Variants in DAB1 observed in about 807,000 individuals in gnomAD.
The protein encoded by DAB1 is DAB adaptor protein 1, also known as disabled homolog 1.
A neutral mutation model predicts 64.6 loss-of-function variants in DAB1; 15 were observed. That is an observed-to-expected ratio of 0.23 (90% confidence interval 0.16 to 0.36). The LOEUF is 0.36. Among genes scored for constraint, DAB1 ranks in the 10% least tolerant of loss-of-function variants. The pLI, the probability that DAB1 is intolerant of heterozygous loss-of-function variation, is 1.00. For missense variants in DAB1, 596 were observed against 706.7 expected (o/e 0.84, Z 1.78); for synonymous variants, 235 against 251.9 (o/e 0.93, Z 0.64).
At chr1:58,322,983 C>T (rs11589550) in intron 4 of DAB1, among the ~76,000 whole-genome samples, 25,976 of 151,450 alleles carry the variant, frequency 0.17, 2,548 homozygotes, top group East Asian at 0.4. Flanking sequence ...AGCAAACTAT[C>T]GCAAGGACAG....
At chr1:57,562,421 G>A (rs1645063807) in intron 7 of DAB1, among the ~76,000 whole-genome samples, 1 of 152,182 alleles carries the variant, frequency 6.6e-6, no homozygotes, top group Non-Finnish European at 1.5e-5. Context: ...TCATGCTCAT[G>A]GAATTTACAA....
At chr1:57,595,821 C>T (rs1340999364) in intron 7 of DAB1, among the ~76,000 whole-genome samples, 1 of 152,072 alleles carries the variant, frequency 6.6e-6, no homozygotes, top group Non-Finnish European at 1.5e-5. Context: ...ACCTCTCTTC[C>T]TCCTCCTCCG....
chr1:58,528,992 A>G (rs1646392555), intron 1 of DAB1, among the ~76,000 whole-genome samples: 1 of 152,224 alleles, frequency 6.6e-6, no homozygotes, highest in Non-Finnish European at 1.5e-5. Flanking sequence ...TGCTGATTCC[A>G]TTATAAAAAA....
chr1:58,043,547 C>T (rs566832537), intron 5 of DAB1, among the ~76,000 whole-genome samples: 1 of 152,306 alleles, frequency 6.6e-6, no homozygotes, highest in Non-Finnish European at 1.5e-5. Flanking sequence ...CCCATGATGT[C>T]CTCACAGTCA....
intron 7 of DAB1, among the ~76,000 whole-genome samples, chr1:57,619,338 T>G (rs72908585): frequency 0.017 from 2,629 of 152,320 alleles, 88 homozygotes; most frequent in African/African-American, 0.06. Context: ...GACAACGCTG[T>G]GCTAGGAGCA....
chr1:57,533,759 T>A (rs1644693435), intron 7 of DAB1, among the ~76,000 whole-genome samples: 1 of 151,816 alleles, frequency 6.6e-6, no homozygotes, highest in South Asian at 2.1e-4. Flanking sequence ...TCCCTATAGA[T>A]CCTCTGGTGG....
chr1:58,434,535 C>T (rs542504278), intron 3 of DAB1, among the ~76,000 whole-genome samples: 1 of 152,230 alleles, frequency 6.6e-6, no homozygotes, highest in South Asian at 2.1e-4. Flanking sequence ...ATGGAGGATT[C>T]CTTTTTGACT....
At chr1:58,028,773 C>T (rs1646931398) in intron 5 of DAB1, among the ~76,000 whole-genome samples, 1 of 152,066 alleles carries the variant, frequency 6.6e-6, no homozygotes, top group African/African-American at 2.4e-5. Context: ...GTGGAATCTG[C>T]AAATAATAAG....
At chr1:58,247,157 G>A (rs1338362264) in intron 4 of DAB1, among the ~76,000 whole-genome samples, 1 of 152,070 alleles carries the variant, frequency 6.6e-6, no homozygotes, top group African/African-American at 2.4e-5. Flanking sequence ...GGGCCAGAAT[G>A]GGGGCAAGGA....
chr1:57,804,563 T>C (rs1249500898), intron 6 of DAB1, among the ~76,000 whole-genome samples: 2 of 152,240 alleles, frequency 1.3e-5, no homozygotes, highest in Non-Finnish European at 2.9e-5. Flanking sequence ...TTCACAGAAC[T>C]GCTTGCCAGT....
chr1:57,691,705 G>A (rs770893463), intron 6 of DAB1, among the ~76,000 whole-genome samples: 18 of 152,080 alleles, frequency 1.2e-4, no homozygotes, highest in Non-Finnish European at 2.1e-4. Flanking sequence ...CACTCACTGC[G>A]AAGGTCTGCA....
intron 1 of DAB1, chr1:57,874,193 C>T (rs1644004543): frequency 6.6e-6 from 1 of 152,194 alleles, no homozygotes; most frequent in Admixed American, 6.6e-5. Flanking sequence ...ACCTGGGGAA[C>T]ACCAAAAAGA....
chr1:58,017,466 ACC>A (rs764463375), intron 5 of DAB1, among the ~76,000 whole-genome samples: 6 of 152,056 alleles, frequency 3.9e-5, no homozygotes, highest in Non-Finnish European at 7.4e-5. Flanking sequence ...GGTAAATATG[ACC>A]CAAGCAGAGC....
intron 4 of DAB1, among the ~76,000 whole-genome samples, chr1:58,232,579 A>C (rs371148020): frequency 6.6e-6 from 1 of 152,168 alleles, no homozygotes; most frequent in African/African-American, 2.4e-5. Context: ...GCTCAAAGAA[A>C]GAAGGAGGGA....
chr1:57,127,230 A>G (rs1361696503), intron 4 of DAB1, among the ~76,000 whole-genome samples: 1 of 152,232 alleles, frequency 6.6e-6, no homozygotes, highest in Non-Finnish European at 1.5e-5. Flanking sequence ...GCAATCAGCC[A>G]TCTAAATAAA....
At chr1:57,724,286 CGAAGGAAG>C (rs761987366) in intron 6 of DAB1, among the ~76,000 whole-genome samples, 141 of 109,584 alleles carry the variant, frequency 1.3e-3, no homozygotes, top group East Asian at 4.1e-3. Context: ...AAGGAAGGAA[CGAAGGAAG>C]GAAGGAAGGG....
chr1:57,441,025 C>A (rs1252093327), intron 7 of DAB1, among the ~76,000 whole-genome samples: 1 of 152,076 alleles, frequency 6.6e-6, no homozygotes, highest in Admixed American at 6.6e-5. Context: ...TCCCTCCTAG[C>A]CTCCTTCCTC....
At chr1:58,162,353 T>C (rs1234276446) in intron 4 of DAB1, among the ~76,000 whole-genome samples, 1 of 152,184 alleles carries the variant, frequency 6.6e-6, no homozygotes, top group Non-Finnish European at 1.5e-5. Context: ...TTTTTCTCTA[T>C]TCTTTTTTTC....
At chr1:58,247,530 C>G (rs1660600976) in intron 4 of DAB1, among the ~76,000 whole-genome samples, 1 of 152,176 alleles carries the variant, frequency 6.6e-6, no homozygotes, top group African/African-American at 2.4e-5. Context: ...AATGGAGAAA[C>G]AGAGTTCGTG....
Sources: gnomAD v4.1 joint callset for allele counts (sites outside exome capture counted in the v4.1 genomes callset) on GRCh38, gnomAD v4.1.1 for gene constraint, MANE v1.5 for transcripts, NCBI Gene and HGNC (gene_info 2026-07-23, HGNC 2026-07-21) for gene names.